The following ACOXL variants were observed in gnomAD, a reference collection of about 807,000 sequenced individuals.
ACOXL encodes the protein acyl-CoA oxidase like.
A neutral mutation model predicts 71.9 loss-of-function variants in ACOXL; 70 were observed. The observed-to-expected ratio is 0.97, with a 90% CI of 0.80 to 1.19. The LOEUF (loss-of-function observed/expected upper bound fraction) is 1.19, where lower values mean the gene tolerates loss of function less well. ACOXL is among the 50% of genes most tolerant of loss of function. The probability of loss-of-function intolerance (pLI) is 0.00; values close to 1 mark genes in which losing one functional copy is unlikely to be tolerated. For missense variants in ACOXL, 703 were observed against 736.3 expected (o/e 0.95, Z 0.52); for synonymous variants, 253 against 281.6 (o/e 0.90, Z 1.02).
chr2:111,004,533 G>C (rs2063785065), intron 14 of ACOXL, among the ~76,000 whole-genome samples: 1 of 152,108 alleles, frequency 6.6e-6, no homozygotes, highest in Admixed American at 6.6e-5. Flanking sequence ...CAATGTGTTG[G>C]TGGCCATGGA....
At chr2:111,083,113 C>T (rs1475625880) in intron 16 of ACOXL, among the ~76,000 whole-genome samples, 1 of 152,068 alleles carries the variant, frequency 6.6e-6, no homozygotes, top group Admixed American at 6.5e-5. Context: ...AGCAAACCAC[C>T]ATGGCACGTG....
intron 7 of ACOXL, among the ~76,000 whole-genome samples, chr2:110,800,652 G>A (rs955061707): frequency 2.7e-4 from 41 of 152,174 alleles, no homozygotes; most frequent in Non-Finnish European, 2.8e-4. Flanking sequence ...AGAAAAAAAA[G>A]AAGGAAGAGA....
chr2:110,960,712 A>T (rs2061671518), intron 12 of ACOXL, among the ~76,000 whole-genome samples: 1 of 144,144 alleles, frequency 6.9e-6, no homozygotes. Context: ...TTTTTTTAAC[A>T]TTGCTTGTGT....
At chr2:110,788,214 T>C (rs1354359611) in intron 3 of ACOXL, among the ~76,000 whole-genome samples, 1 of 152,198 alleles carries the variant, frequency 6.6e-6, no homozygotes, top group Non-Finnish European at 1.5e-5. Flanking sequence ...TGATTCACAA[T>C]AGCTAAAAGC....
intron 15 of ACOXL, among the ~76,000 whole-genome samples, chr2:111,035,691 G>A (rs1233981905): frequency 6.6e-6 from 1 of 152,214 alleles, no homozygotes; most frequent in Non-Finnish European, 1.5e-5. Flanking sequence ...GTGGATTTCT[G>A]CCTATTGGGG....
intron 17 of ACOXL, chr2:111,101,097 G>A (rs1409762755): frequency 6.6e-6 from 1 of 152,644 alleles, no homozygotes; most frequent in African/African-American, 2.4e-5. Context: ...AGAATGCGCA[G>A]AAGTGTGGTA....
intron 17 of ACOXL, among the ~76,000 whole-genome samples, chr2:111,111,192 T>G (rs2069927224): frequency 6.6e-6 from 1 of 152,112 alleles, no homozygotes; most frequent in Non-Finnish European, 1.5e-5. Context: ...CTCCACCTCC[T>G]GGGCTCAAGC....
intron 11 of ACOXL, among the ~76,000 whole-genome samples, chr2:110,929,958 G>A (rs111982137): frequency 3.7e-4 from 56 of 152,322 alleles, no homozygotes; most frequent in African/African-American, 1.3e-3. Flanking sequence ...CTGCAGGGGC[G>A]GGGCCCTCAT....
At chr2:110,993,855 C>T (rs1312436229) in intron 13 of ACOXL, among the ~76,000 whole-genome samples, 12 of 152,068 alleles carry the variant, frequency 7.9e-5, no homozygotes, top group Admixed American at 2.6e-4. Flanking sequence ...CTATGGTTTC[C>T]GTTTGCATTT....
chr2:110,859,118 A>G (rs2148970885), intron 10 of ACOXL, among the ~76,000 whole-genome samples: 1 of 152,378 alleles, frequency 6.6e-6, no homozygotes, highest in East Asian at 1.9e-4. Flanking sequence ...TGGGCTTTGT[A>G]AAATGTTAGT....
chr2:110,892,652 G>A (rs1698053778), intron 10 of ACOXL, among the ~76,000 whole-genome samples: 2 of 152,296 alleles, frequency 1.3e-5, no homozygotes, highest in South Asian at 2.1e-4. Flanking sequence ...CAGCAAAACA[G>A]TAAAGTTTGC....
At chr2:110,822,016 C>A (rs73956471) in intron 9 of ACOXL, among the ~76,000 whole-genome samples, 3,593 of 151,812 alleles carry the variant, frequency 0.024, 154 homozygotes, top group African/African-American at 0.084. Flanking sequence ...CGGCTGTATA[C>A]AAGATGCCCC....
At chr2:110,765,856 CA>C (rs1250386476) in intron 1 of ACOXL, among the ~76,000 whole-genome samples, 1 of 152,200 alleles carries the variant, frequency 6.6e-6, no homozygotes, top group Non-Finnish European at 1.5e-5. Flanking sequence ...GGAGGACATA[CA>C]AACATTTAGA....
At chr2:110,959,760 G>A (rs1053498490) in intron 12 of ACOXL, among the ~76,000 whole-genome samples, 1 of 152,152 alleles carries the variant, frequency 6.6e-6, no homozygotes, top group Non-Finnish European at 1.5e-5. Flanking sequence ...TAGAAGCTGA[G>A]GCAAGGTTTA....
intron 11 of ACOXL, among the ~76,000 whole-genome samples, chr2:110,912,805 A>G (rs2059692978): frequency 6.6e-6 from 1 of 152,182 alleles, no homozygotes; most frequent in Non-Finnish European, 1.5e-5. Flanking sequence ...ACCATCAAGA[A>G]AGTGAAAGAC....
At chr2:110,984,295 A>G (rs565018152) in intron 12 of ACOXL, among the ~76,000 whole-genome samples, 64 of 152,150 alleles carry the variant, frequency 4.2e-4, no homozygotes, top group Non-Finnish European at 7.5e-4. Flanking sequence ...TACATAGTAT[A>G]TTATAATATA....
intron 3 of ACOXL, among the ~76,000 whole-genome samples, chr2:110,792,639 A>T (rs1188320268): frequency 6.6e-6 from 1 of 152,136 alleles, no homozygotes; most frequent in Non-Finnish European, 1.5e-5. Context: ...AAAATAAAAA[A>T]AACTTAGCCA....
At chr2:110,848,492 C>G (rs753269418) in intron 10 of ACOXL, among the ~76,000 whole-genome samples, 7 of 152,198 alleles carry the variant, frequency 4.6e-5, no homozygotes, top group Non-Finnish European at 8.8e-5. Context: ...AAGTCATATG[C>G]TTTTCCTTAG....
intron 16 of ACOXL, among the ~76,000 whole-genome samples, chr2:111,083,565 T>G (rs532309669): frequency 3.1e-4 from 42 of 133,652 alleles, no homozygotes; most frequent in Admixed American, 1.3e-3. Context: ...GGTTTTTTTG[T>G]TTTTTTTTTT....
Sources: gnomAD v4.1 joint callset for allele counts (sites outside exome capture counted in the v4.1 genomes callset) on GRCh38, gnomAD v4.1.1 for gene constraint, MANE v1.5 for transcripts, NCBI Gene and HGNC (gene_info 2026-07-23, HGNC 2026-07-21) for gene names.